Variants in ANK2 observed in about 807,000 individuals in gnomAD.
The protein encoded by ANK2 is ankyrin 2.
Under a neutral mutation model 360.5 loss-of-function variants are expected in ANK2, and 83 were observed. The observed-to-expected ratio is 0.23, with a 90% confidence interval of 0.19 to 0.28. The LOEUF (loss-of-function observed/expected upper bound fraction) is 0.28. ANK2 is among the 10% of genes least tolerant of loss of function. The probability of loss-of-function intolerance (pLI) is 1.00; values close to 1 mark genes in which losing one functional copy is unlikely to be tolerated. For missense variants in ANK2, 4,201 were observed against 4,795.7 expected (o/e 0.88, Z 3.66); for synonymous variants, 1,740 against 1,759.5 (o/e 0.99, Z 0.28).
intron 1 of ANK2, among the ~76,000 whole-genome samples, chr4:113,131,554 C>A (rs10003143): frequency 0.49 from 74,762 of 152,008 alleles, 19,158 homozygotes; most frequent in Non-Finnish European, 0.55. Context: ...GCTAAAAAGC[C>A]TGCACATCAT....
intron 4 of ANK2, among the ~76,000 whole-genome samples, chr4:113,210,297 G>T (rs1371700289): frequency 6.6e-6 from 1 of 152,122 alleles, no homozygotes; most frequent in African/African-American, 2.4e-5. Flanking sequence ...ATAGAAGAGG[G>T]TTTATGTTTT....
the ANK2 span, among the ~76,000 whole-genome samples, chr4:112,810,149 A>T: frequency 1.3e-4 from 4 of 30,344 alleles, no homozygotes; most frequent in African/African-American, 6.1e-4. Context: ...ATATATATAT[A>T]TATATATATA....
At chr4:112,903,111 C>A (rs1440012580) in intron 1 of ANK2, among the ~76,000 whole-genome samples, 1 of 152,130 alleles carries the variant, frequency 6.6e-6, no homozygotes, top group African/African-American at 2.4e-5. Context: ...TCCAGCTGCA[C>A]CAAAATTATC....
At chr4:113,375,229 A>G (rs1476808057) in intron 45 of ANK2, among the ~76,000 whole-genome samples, 1 of 152,242 alleles carries the variant, frequency 6.6e-6, no homozygotes, top group Non-Finnish European at 1.5e-5. Flanking sequence ...ATGATTATAC[A>G]TCTTGTTTAA....
intron 10 of ANK2, among the ~76,000 whole-genome samples, chr4:113,252,076 G>T (rs1057240778): frequency 6.6e-6 from 1 of 152,126 alleles, no homozygotes; most frequent in Non-Finnish European, 1.5e-5. Context: ...ACCTGAGGAG[G>T]AACTCACAGT....
chr4:112,719,359 A>C, the ANK2 span, among the ~76,000 whole-genome samples: 1 of 152,200 alleles, frequency 6.6e-6, no homozygotes, highest in Admixed American at 6.5e-5. Context: ...CAGAGGGGAA[A>C]ACACTTAGTA....
intron 10 of ANK2, among the ~76,000 whole-genome samples, chr4:113,252,573 CTCTA>C (rs1249799386): frequency 2.0e-5 from 3 of 152,068 alleles, no homozygotes; most frequent in South Asian, 2.1e-4. Flanking sequence ...ACTCTAAACC[CTCTA>C]TCTATTTCTG....
intron 1 of ANK2, among the ~76,000 whole-genome samples, chr4:112,866,131 A>C (rs1479405542): frequency 6.6e-6 from 1 of 152,254 alleles, no homozygotes; most frequent in Non-Finnish European, 1.5e-5. Flanking sequence ...CAGTGCAGCA[A>C]AGGAAAATAT....
chr4:113,098,562 T>C (rs1055478586), intron 1 of ANK2, among the ~76,000 whole-genome samples: 1 of 151,932 alleles, frequency 6.6e-6, no homozygotes, highest in Non-Finnish European at 1.5e-5. Context: ...TTCTAATAAA[T>C]AAAGCACCAG....
intron 2 of ANK2, among the ~76,000 whole-genome samples, chr4:112,933,418 C>T (rs1376755836): frequency 1.3e-5 from 2 of 152,064 alleles, no homozygotes; most frequent in Non-Finnish European, 2.9e-5. Context: ...GATATATCAC[C>T]TAACCCTTCT....
intron 1 of ANK2, among the ~76,000 whole-genome samples, chr4:113,086,405 T>C (rs1341680971): frequency 6.6e-6 from 1 of 152,228 alleles, no homozygotes; most frequent in African/African-American, 2.4e-5. Context: ...TTCATAGATT[T>C]TTTTTATACA....
intron 1 of ANK2, among the ~76,000 whole-genome samples, chr4:113,130,739 C>T (rs1222259049): frequency 6.6e-6 from 1 of 152,160 alleles, no homozygotes. Context: ...TCATCTTTGC[C>T]TAAGACATAA....
chr4:113,312,522 A>G (rs557824604), intron 24 of ANK2, among the ~76,000 whole-genome samples: 239 of 150,124 alleles, frequency 1.6e-3, no homozygotes, highest in African/African-American at 5.5e-3. Flanking sequence ...TTTTTTCTTT[A>G]GCAAGATAGG....
intron 1 of ANK2, among the ~76,000 whole-genome samples, chr4:112,854,829 C>A (rs1395474136): frequency 2.0e-5 from 3 of 152,070 alleles, no homozygotes; most frequent in African/African-American, 7.2e-5. Context: ...ATGGGAGAAA[C>A]ACTGTTCCAG....
chr4:112,792,033 CTTTTTTTTTTT>C, the ANK2 span, among the ~76,000 whole-genome samples: 4 of 65,968 alleles, frequency 6.1e-5, no homozygotes, highest in Non-Finnish European at 2.5e-5. Flanking sequence ...CACATCCTTT[CTTTTTTTTTTT>C]TTTTTTTTTT....
intron 2 of ANK2, among the ~76,000 whole-genome samples, chr4:112,958,341 C>T (rs1489468241): frequency 6.6e-6 from 1 of 152,320 alleles, no homozygotes. Flanking sequence ...TCTGCAATCC[C>T]GGCACCTCGG....
chr4:112,731,889 A>G, the ANK2 span, among the ~76,000 whole-genome samples: 6 of 152,186 alleles, frequency 3.9e-5, no homozygotes, highest in African/African-American at 1.4e-4. Flanking sequence ...ACAGCCTTCA[A>G]TTCCTGGGCT....
intron 2 of ANK2, among the ~76,000 whole-genome samples, chr4:113,193,060 A>G (rs2098696485): frequency 6.6e-6 from 1 of 152,126 alleles, no homozygotes; most frequent in African/African-American, 2.4e-5. Context: ...TGGACTATAT[A>G]GAGTGACATC....
chr4:112,847,289 AGTTTGCT>A (rs2063535363), intron 1 of ANK2, among the ~76,000 whole-genome samples: 1 of 151,972 alleles, frequency 6.6e-6, no homozygotes, highest in Non-Finnish European at 1.5e-5. Flanking sequence ...TTTTCTACTA[AGTTTGCT>A]GCTCCTACCA....
Sources: gnomAD v4.1 joint callset for allele counts (sites outside exome capture counted in the v4.1 genomes callset) on GRCh38, gnomAD v4.1.1 for gene constraint, MANE v1.5 for transcripts, NCBI Gene and HGNC (gene_info 2026-07-23, HGNC 2026-07-21) for gene names.